Variants in GLI3 observed in about 807,000 individuals in gnomAD.
GLI3 encodes GLI family zinc finger 3.
Under a neutral mutation model 100.8 loss-of-function variants are expected in GLI3, and 20 were observed. That is an observed-to-expected ratio of 0.20 (90% CI 0.14 to 0.29). The LOEUF is 0.29. Among genes scored for constraint, GLI3 ranks in the 10% least tolerant of loss-of-function variants. The pLI, the probability that GLI3 is intolerant of heterozygous loss-of-function variation, is 1.00. For missense variants in GLI3, 2,040 were observed against 2,128.5 expected, an observed-to-expected ratio of 0.96 and a Z score of 0.82; for synonymous variants, 938 against 860.5, an observed-to-expected ratio of 1.09 and a Z score of -1.58.
At chr7:42,070,622 A>C (rs1393361593) in intron 4 of GLI3, among the ~76,000 whole-genome samples, 1 of 152,240 alleles carries the variant, frequency 6.6e-6, no homozygotes, top group Non-Finnish European at 1.5e-5. Context: ...ACACACATAA[A>C]TATTATGACT....
intron 2 of GLI3, among the ~76,000 whole-genome samples, chr7:42,182,407 C>T (rs1787610554): frequency 6.6e-6 from 1 of 151,222 alleles, no homozygotes; most frequent in Admixed American, 6.6e-5. Flanking sequence ...CAAATAGTAC[C>T]AAAGACCCTG....
At chr7:42,212,062 C>T (rs1204216123) in intron 2 of GLI3, among the ~76,000 whole-genome samples, 1 of 152,218 alleles carries the variant, frequency 6.6e-6, no homozygotes, top group Non-Finnish European at 1.5e-5. Flanking sequence ...TGGTTACAGT[C>T]GTGAGCAGTT....
intron 3 of GLI3, among the ~76,000 whole-genome samples, chr7:42,099,112 T>C (rs1363236056): frequency 6.6e-6 from 1 of 152,180 alleles, no homozygotes; most frequent in Non-Finnish European, 1.5e-5. Context: ...GCCCAGGGAC[T>C]TCATGCTCCG....
intron 10 of GLI3, among the ~76,000 whole-genome samples, chr7:41,997,122 A>T (rs1194624712): frequency 6.6e-6 from 1 of 152,162 alleles, no homozygotes; most frequent in Non-Finnish European, 1.5e-5. Context: ...TATATAAAAT[A>T]TATTTTTTAA....
In GLI3 at chr7:41,967,862, T is replaced by C. The variant is rs146130351; in HGVS notation, c.2165A>G (p.Asn722Ser). The C allele has an allele frequency of 8.8e-4, 1,426 of 1,614,124 alleles. 10 individuals are homozygous for C. In the African/African-American group the frequency reaches 0.017, roughly 19 times the overall value. ...SCSSQQSPIS[N>S]YSNSGLELPL... Reference sequence around the variant, plus strand: ...AAGCTCGAGCCCACTGTTGGAATAGTTGCTGATGGGGGACTGTTGGCTGCT... The same window carrying C: ...AAGCTCGAGCCCACTGTTGGAATAGCTGCTGATGGGGGACTGTTGGCTGCT... Residue 722 changes from asparagine to serine, a missense_variant, in exon 14 of 15, where the codon AAC (asparagine) becomes AGC (serine). Around this residue, in one of 5 missense-constraint regions of GLI3, gnomAD observed 327 missense variants for 338.7 expected, o/e 0.97. Transcript: ENST00000395925.
intron 7 of GLI3, among the ~76,000 whole-genome samples, chr7:42,031,587 G>A (rs1789298768): frequency 6.6e-6 from 1 of 152,204 alleles, no homozygotes; most frequent in Non-Finnish European, 1.5e-5. Context: ...TACACTTTGA[G>A]AAACATTCTT....
upstream of GLI3, among the ~76,000 whole-genome samples, chr7:42,238,075 A>G (rs1583670432): frequency 7.3e-6 from 1 of 137,922 alleles, no homozygotes; most frequent in East Asian, 2.2e-4. Flanking sequence ...ACACAGACAC[A>G]TTCATGCCTG....
At chr7:42,046,778 T>C (rs1175349379) in intron 5 of GLI3, among the ~76,000 whole-genome samples, 1 of 152,184 alleles carries the variant, frequency 6.6e-6, no homozygotes, top group Non-Finnish European at 1.5e-5. Context: ...CCCAAGGACT[T>C]GAAGGAGATG....
At chr7:42,056,829 A>AT (rs1784471492) in intron 4 of GLI3, among the ~76,000 whole-genome samples, 3 of 151,278 alleles carry the variant, frequency 2.0e-5, no homozygotes, top group African/African-American at 4.9e-5. Flanking sequence ...AAATAAATAA[A>AT]AAATTAGCCG....
chr7:42,044,307 T>C (rs1272643648), intron 6 of GLI3, among the ~76,000 whole-genome samples: 1 of 152,228 alleles, frequency 6.6e-6, no homozygotes. Flanking sequence ...TATTCAAAGG[T>C]AGTGGCTTTT....
chr7:42,135,807 C>A (rs1786414634), intron 3 of GLI3, among the ~76,000 whole-genome samples: 1 of 152,182 alleles, frequency 6.6e-6, no homozygotes. Flanking sequence ...CATGAACTGT[C>A]CATATTAGCG....
At position 41,963,705 on chromosome 7, in the gene GLI3, CTG is replaced by C. The variant is rs1216828425; in HGVS notation, c.*623_*624del. On this transcript the variant is annotated 3_prime_UTR_variant, in exon 15 of 15. Coordinates refer to ENST00000395925, the MANE Select transcript of GLI3 (RefSeq NM_000168.6). The stretch of plus-strand genomic sequence containing the variant: ...GCCCCACGTTCCCATTTCTGTTTAA[CTG>C]TGGAATGCCCTGAACTGAATTGGAG... 4.6e-5 allele frequency: 7 copies of C among 152,536 alleles called. No individual in the cohort carries two copies. Among genetic ancestry groups the C allele is most frequent in the Non-Finnish European group, 8.8e-5 (6 of 68,310 alleles). 9.4% of individuals were successfully genotyped at this position (152,536 alleles called of 1,614,324 possible). A position where few individuals can be genotyped will look rare whatever the true frequency, so the allele number is the denominator to read the frequency against.
chr7:42,072,353 A>G (rs1209770439), intron 4 of GLI3, among the ~76,000 whole-genome samples: 1 of 152,220 alleles, frequency 6.6e-6, no homozygotes, highest in African/African-American at 2.4e-5. Context: ...TCTTTTTCCC[A>G]AGAAAAATCC....
chr7:42,204,776 G>T (rs4724097), intron 2 of GLI3, among the ~76,000 whole-genome samples: 152,264 of 152,276 alleles, frequency 1, 76,126 homozygotes, highest in Middle Eastern at 1. Context: ...AAGTTCTTAT[G>T]AGACAGAATT....
At chr7:42,263,741 C>A (rs1789171401) in intron 1 of GLI3, among the ~76,000 whole-genome samples, 1 of 152,168 alleles carries the variant, frequency 6.6e-6, no homozygotes, top group Admixed American at 6.5e-5. Flanking sequence ...AGCCACCGCA[C>A]CCCACCAGAT....
chr7:42,092,822 T>G (rs1785254017), intron 3 of GLI3, among the ~76,000 whole-genome samples: 1 of 97,378 alleles, frequency 1.0e-5, no homozygotes, highest in African/African-American at 3.5e-5. Context: ...TATGTATTTA[T>G]GTATTTATAG....
At chr7:42,159,951 A>C (rs1478519618) in intron 2 of GLI3, among the ~76,000 whole-genome samples, 4 of 152,312 alleles carry the variant, frequency 2.6e-5, no homozygotes, top group Admixed American at 1.3e-4. Context: ...ACTGCCATGT[A>C]GTATAATAAG....
At chr7:42,053,763 T>C (rs1187988824) in intron 4 of GLI3, among the ~76,000 whole-genome samples, 1 of 152,194 alleles carries the variant, frequency 6.6e-6, no homozygotes, top group African/African-American at 2.4e-5. Context: ...ACAAACATTC[T>C]GAGAAAAACA....
chr7:41,965,159 G>T lies in GLI3; in HGVS notation c.3914C>A (p.Ala1305Asp), dbSNP rs765762605. The T allele has an allele frequency of 6.2e-7, 1 of 1,613,936 alleles. No homozygotes were observed. ...FGLPVAPNES[A>D]GSMVNGMQNQ... ...CTGCATGCCATTCACCATGCTGCCA[G>T]CTGACTCATTTGGCGCTACCGGCAG... The change falls in exon 15 of 15, where the codon GCT (alanine) becomes GAT (aspartate). Residue 1305 changes from alanine to aspartate, a missense_variant. Physicochemically the swap from Ala to Asp is moderately radical, Grantham distance 126. Coordinates refer to ENST00000395925, the MANE Select transcript of GLI3 (RefSeq NM_000168.6).
Sources: allele counts gnomAD v4.1 joint callset (sites outside exome capture counted in the v4.1 genomes callset), GRCh38; gene constraint gnomAD v4.1.1; regional missense constraint gnomAD v4.1.1; transcripts MANE v1.5; gene names NCBI Gene and HGNC (gene_info 2026-07-23, HGNC 2026-07-21).